RBMS3: variants seen among roughly 807,000 people sequenced by gnomAD.
The protein encoded by RBMS3 is RNA binding motif single stranded interacting protein 3.
A neutral mutation model predicts 66.8 loss-of-function variants in RBMS3; 27 were observed. The ratio of observed to expected loss-of-function variants is 0.40; its 90% CI spans 0.30 to 0.56. The LOEUF is 0.56. Among genes scored for constraint, RBMS3 ranks in the 20% least tolerant of loss-of-function variants. The probability of loss-of-function intolerance (pLI) is 0.40; values close to 1 mark genes in which losing one functional copy is unlikely to be tolerated. For synonymous variants in RBMS3, 188 were observed against 183.0 expected (o/e 1.03, Z -0.22); for missense variants, 513 against 549.5 (o/e 0.93, Z 0.66).
chr3:29,537,029 C>T (rs1488259335), intron 3 of RBMS3, among the ~76,000 whole-genome samples: 1 of 152,128 alleles, frequency 6.6e-6, no homozygotes, highest in African/African-American at 2.4e-5. Flanking sequence ...ATCATGTGTG[C>T]TTTCTTTCTT....
intron 1 of RBMS3, among the ~76,000 whole-genome samples, chr3:29,289,156 T>C (rs1351428652): frequency 6.6e-6 from 1 of 151,932 alleles, no homozygotes; most frequent in Non-Finnish European, 1.5e-5. Flanking sequence ...TGTGTGTTCA[T>C]TTATTCATTT....
chr3:29,696,875 G>A (rs759406806), intron 4 of RBMS3: 7 of 828,088 alleles, frequency 8.5e-6, no homozygotes, highest in Non-Finnish European at 1.0e-5. Flanking sequence ...AAGGGGTGAG[G>A]GAGCTAGGTT....
chr3:29,977,527 T>G (rs568115281), intron 12 of RBMS3, among the ~76,000 whole-genome samples: 3 of 152,156 alleles, frequency 2.0e-5, no homozygotes, highest in African/African-American at 7.2e-5. Context: ...TTTACAATTT[T>G]TTTTTGTTTC....
At chr3:29,550,516 T>C (rs180763326) in intron 3 of RBMS3, among the ~76,000 whole-genome samples, 1 of 152,232 alleles carries the variant, frequency 6.6e-6, no homozygotes, top group East Asian at 1.9e-4. Flanking sequence ...TCAAATAGTA[T>C]AATAGTAAAA....
chr3:29,384,095 T>G (rs990061461), intron 1 of RBMS3, among the ~76,000 whole-genome samples: 11 of 152,064 alleles, frequency 7.2e-5, no homozygotes, highest in Non-Finnish European at 1.5e-4. Context: ...CCAGGTAGAT[T>G]GTTTTAGCCC....
chr3:29,314,528 A>G (rs979601391), intron 1 of RBMS3, among the ~76,000 whole-genome samples: 1 of 151,632 alleles, frequency 6.6e-6, no homozygotes, highest in Non-Finnish European at 1.5e-5. Context: ...AAAGTTATCT[A>G]TGGGAGGGAT....
chr3:29,601,397 G>C (rs1434539801), intron 4 of RBMS3, among the ~76,000 whole-genome samples: 1 of 151,802 alleles, frequency 6.6e-6, no homozygotes, highest in African/African-American at 2.4e-5. Context: ...AAGCTGTTAG[G>C]TTCTAAAGGA....
At chr3:29,588,580 A>G (rs917080348) in intron 4 of RBMS3, among the ~76,000 whole-genome samples, 1 of 152,074 alleles carries the variant, frequency 6.6e-6, no homozygotes, top group Non-Finnish European at 1.5e-5. Context: ...CATATAGATT[A>G]CTTTGGTGAA....
intron 10 of RBMS3, among the ~76,000 whole-genome samples, chr3:29,913,438 G>A (rs755348914): frequency 2.6e-5 from 4 of 151,938 alleles, no homozygotes; most frequent in Admixed American, 2.6e-4. Flanking sequence ...TTACAAATTA[G>A]GGTGGTACTT....
At chr3:29,826,310 C>T (rs1206415531) in intron 6 of RBMS3, among the ~76,000 whole-genome samples, 1 of 152,180 alleles carries the variant, frequency 6.6e-6, no homozygotes, top group East Asian at 1.9e-4. Context: ...ACTTTACACA[C>T]TGTATTTTTT....
chr3:29,479,357 G>T (rs1232475018), intron 2 of RBMS3, among the ~76,000 whole-genome samples: 1 of 150,882 alleles, frequency 6.6e-6, no homozygotes, highest in African/African-American at 2.4e-5. Flanking sequence ...AATCATTAGT[G>T]GGTGTTTCTG....
chr3:29,418,057 T>C (rs899590837), intron 1 of RBMS3, among the ~76,000 whole-genome samples: 1 of 152,078 alleles, frequency 6.6e-6, no homozygotes, highest in Non-Finnish European at 1.5e-5. Flanking sequence ...GGGTCTTCAA[T>C]AAAAAATAAT....
At chr3:29,787,130 A>G (rs2056847079) in intron 6 of RBMS3, among the ~76,000 whole-genome samples, 2 of 152,104 alleles carry the variant, frequency 1.3e-5, no homozygotes, top group South Asian at 4.1e-4. Context: ...CCACAACATG[A>G]TACCACCTCA....
intron 4 of RBMS3, among the ~76,000 whole-genome samples, chr3:29,720,272 C>T (rs1007728700): frequency 6.6e-6 from 1 of 152,012 alleles, no homozygotes; most frequent in Non-Finnish European, 1.5e-5. Context: ...AATCCTTTTT[C>T]TATGTAAATT....
intron 3 of RBMS3, among the ~76,000 whole-genome samples, chr3:29,571,086 G>C (rs1018829785): frequency 6.6e-6 from 1 of 152,072 alleles, no homozygotes; most frequent in African/African-American, 2.4e-5. Flanking sequence ...CAGTGATATT[G>C]AGCACCTTTC....
At chr3:29,725,493 AAGAG>A (rs773622653) in intron 4 of RBMS3, among the ~76,000 whole-genome samples, 1 of 149,630 alleles carries the variant, frequency 6.7e-6, no homozygotes, top group Non-Finnish European at 1.5e-5. Context: ...GAAGAAAAGA[AAGAG>A]AGAAGAATAA....
At chr3:29,746,199 A>C in intron 5 of RBMS3, among the ~76,000 whole-genome samples, 1 of 152,218 alleles carries the variant, frequency 6.6e-6, no homozygotes. Context: ...CAAGTCTATC[A>C]AATTTTTTTA....
At chr3:29,931,896 T>A (rs912661069) in intron 10 of RBMS3, among the ~76,000 whole-genome samples, 1 of 152,202 alleles carries the variant, frequency 6.6e-6, no homozygotes, top group African/African-American at 2.4e-5. Flanking sequence ...ACCACCTTTT[T>A]AAAATTCATA....
At chr3:29,956,754 A>G (rs1351411307) in intron 12 of RBMS3, among the ~76,000 whole-genome samples, 3 of 152,042 alleles carry the variant, frequency 2.0e-5, no homozygotes, top group African/African-American at 7.2e-5. Flanking sequence ...CCTTCTTTCC[A>G]TTCAATTCAT....
Sources: gnomAD v4.1 joint callset for allele counts (sites outside exome capture counted in the v4.1 genomes callset) on GRCh38, gnomAD v4.1.1 for gene constraint, MANE v1.5 for transcripts, NCBI Gene and HGNC (gene_info 2026-07-23, HGNC 2026-07-21) for gene names.